TTLL9: variants seen among roughly 807,000 people sequenced by gnomAD.
TTLL9 encodes probable tubulin polyglutamylase TTLL9.
TTLL9 carries 47 observed loss-of-function variants against 65.6 expected under a neutral mutation model. That is an observed-to-expected ratio of 0.72 (90% CI 0.57 to 0.91). TTLL9 has a LOEUF of 0.91. Among genes scored for constraint, TTLL9 ranks in the 40% least tolerant of loss-of-function variants. The pLI is 0.00. For missense variants in TTLL9, 537 were observed against 568.8 expected, an observed-to-expected ratio of 0.94 and a Z score of 0.57; for synonymous variants, 179 against 204.8, an observed-to-expected ratio of 0.87 and a Z score of 1.07.
chr20:31,937,969 G>A (rs1568843904), intron 13 of TTLL9, among the ~76,000 whole-genome samples: 1 of 150,846 alleles, frequency 6.6e-6, no homozygotes, highest in Admixed American at 6.6e-5. Context: ...AAAACCCAGA[G>A]CTACTTTTAG....
At chr20:31,918,299 C>T (rs182201279) in intron 6 of TTLL9, among the ~76,000 whole-genome samples, 23 of 152,220 alleles carry the variant, frequency 1.5e-4, no homozygotes, top group Admixed American at 5.9e-4. Context: ...GACGAGATGA[C>T]GGTGCTCTTG....
chr20:31,895,810 C>CATGT (rs965348985), intron 3 of TTLL9, among the ~76,000 whole-genome samples: 11 of 138,608 alleles, frequency 7.9e-5, no homozygotes, highest in South Asian at 2.3e-4. Flanking sequence ...TAAGGTTATT[C>CATGT]ATGTATTTAT....
At chr20:31,935,071 C>G (rs1330778228) in intron 12 of TTLL9, among the ~76,000 whole-genome samples, 183 bp downstream of exon 12, 1 of 152,128 alleles carries the variant, frequency 6.6e-6, no homozygotes, top group Non-Finnish European at 1.5e-5. Flanking sequence ...ATCCATAGGT[C>G]ATTAGAGGAT....
rs1272730956 is a variant in TTLL9, at chr20:31,943,950, G to A, written c.*929G>A. The A allele has an allele frequency of 4.9e-6, 2 of 405,412 alleles. No individual in the cohort carries two copies. Among genetic ancestry groups the A allele is most frequent in the Non-Finnish European group, 9.9e-6 (2 of 201,526 alleles). 25.1% of individuals were successfully genotyped at this position (405,412 alleles called of 1,614,324 possible). On this transcript the variant is annotated 3_prime_UTR_variant, in exon 15 of 15. Coordinates refer to ENST00000535842, the MANE Select transcript of TTLL9 (RefSeq NM_001008409.5). ...GCTGTTGGGGTAACTGTTCCAGGGG[G>A]GACTTACTCCCTCTACCACTCCGCC...
At chr20:31,915,876 G>A (rs752539474) in intron 6 of TTLL9, among the ~76,000 whole-genome samples, 13 of 152,150 alleles carry the variant, frequency 8.5e-5, no homozygotes, top group East Asian at 1.9e-4. Flanking sequence ...ACTAAAGCTC[G>A]TATTCCGGTT....
At chr20:31,879,787 C>T in intron 2 of TTLL9, 1 of 1,542,510 alleles carries the variant, frequency 6.5e-7, no homozygotes, top group Non-Finnish European at 8.7e-7. Context: ...ATCAGAGCGG[C>T]GGATCCAGGC....
intron 2 of TTLL9, among the ~76,000 whole-genome samples, chr20:31,875,953 G>C (rs1320360726): frequency 6.6e-6 from 1 of 152,160 alleles, no homozygotes; most frequent in Non-Finnish European, 1.5e-5. Context: ...TTTTGAGTCT[G>C]TGTTTTTAAA....
chr20:31,904,658 T>C (rs1299096947), intron 4 of TTLL9, among the ~76,000 whole-genome samples: 1 of 152,114 alleles, frequency 6.6e-6, no homozygotes, highest in African/African-American at 2.4e-5. Flanking sequence ...GTGCCTGGCC[T>C]TTTTTAAGGA....
At chr20:31,890,100 C>CCCTCCCTTCCTTCCTT (rs2063276711) in intron 3 of TTLL9, among the ~76,000 whole-genome samples, 6 of 50,008 alleles carry the variant, frequency 1.2e-4, no homozygotes, top group African/African-American at 2.7e-4. Flanking sequence ...TTCTTTCCCT[C>CCCTCCCTTCCTTCCTT]CCTTCCTTCC....
At position 31,943,387 on chromosome 20, in the gene TTLL9, TCC is replaced by T; in HGVS notation, c.*367_*368del. On this transcript the variant is annotated 3_prime_UTR_variant, in exon 15 of 15. Coordinates refer to ENST00000535842, the MANE Select transcript of TTLL9 (RefSeq NM_001008409.5). ...GGAGTCACTGGGCACCAGGCCTGGTTCCGGGGATACTGTTGGCTGCAGCCAAG... is the reference window on the plus strand; with the variant it reads ...GGAGTCACTGGGCACCAGGCCTGGTTGGGGATACTGTTGGCTGCAGCCAAG... 1 of 341,532 alleles carries T rather than the reference TCC, an allele frequency of 2.9e-6. No homozygotes were observed. The highest frequency in any genetic ancestry group is 5.7e-6 in the Non-Finnish European group (1 of 176,512). 21.2% of individuals were successfully genotyped at this position (341,532 alleles called of 1,614,324 possible).
chr20:31,904,125 C>G (rs1328172078), intron 4 of TTLL9, among the ~76,000 whole-genome samples: 1 of 152,208 alleles, frequency 6.6e-6, no homozygotes, highest in Non-Finnish European at 1.5e-5. Context: ...ATGCTGTGCC[C>G]TTTTCAGTGG....
At chr20:31,873,690 GAAAGA>G (rs2062976097) in intron 2 of TTLL9, among the ~76,000 whole-genome samples, 1 of 51,668 alleles carries the variant, frequency 1.9e-5, no homozygotes, top group African/African-American at 9.4e-5. Flanking sequence ...GAGAGAGAAA[GAAAGA>G]AAGAAAGAAA....
intron 10 of TTLL9, among the ~76,000 whole-genome samples, chr20:31,933,411 C>G (rs1483210659): frequency 6.6e-6 from 1 of 150,420 alleles, no homozygotes; most frequent in Non-Finnish European, 1.5e-5. Context: ...AACCACTCCT[C>G]TTGAATTAAA....
intron 4 of TTLL9, among the ~76,000 whole-genome samples, chr20:31,904,041 G>T (rs1333368070): frequency 3.3e-5 from 5 of 152,146 alleles, no homozygotes; most frequent in Middle Eastern, 3.2e-3. Flanking sequence ...TTTGTAGAAT[G>T]TCCCTTGAAT....
intron 4 of TTLL9, among the ~76,000 whole-genome samples, chr20:31,901,038 C>T (rs1289674693): frequency 6.6e-6 from 1 of 152,210 alleles, no homozygotes; most frequent in Non-Finnish European, 1.5e-5. Flanking sequence ...TCCAAGGCCT[C>T]ATCCTTTAGG....
chr20:31,894,384 C>G (rs1054393258), intron 3 of TTLL9, among the ~76,000 whole-genome samples: 1 of 152,016 alleles, frequency 6.6e-6, no homozygotes, highest in African/African-American at 2.4e-5. Context: ...AGGTATGAGC[C>G]ACTTGGCCAT....
chr20:31,886,277 G>A (rs544377704), intron 2 of TTLL9, among the ~76,000 whole-genome samples: 7 of 152,236 alleles, frequency 4.6e-5, no homozygotes, highest in Non-Finnish European at 8.8e-5. Flanking sequence ...TGGCAGGTCT[G>A]TCCCAGCTGC....
intron 4 of TTLL9, among the ~76,000 whole-genome samples, chr20:31,904,346 A>C (rs2063519272): frequency 6.9e-6 from 1 of 145,758 alleles, no homozygotes; most frequent in Non-Finnish European, 1.5e-5. Context: ...ATTTTTTGAT[A>C]ATTCTTTTTT....
chr20:31,910,798 T>C (rs1027551342), intron 6 of TTLL9, among the ~76,000 whole-genome samples: 8 of 152,068 alleles, frequency 5.3e-5, no homozygotes, highest in Admixed American at 1.3e-4. Flanking sequence ...TGGAAAAAAG[T>C]AGAGATAGGG....
Sources: allele counts gnomAD v4.1 joint callset (sites outside exome capture counted in the v4.1 genomes callset), GRCh38; gene constraint gnomAD v4.1.1; transcripts MANE v1.5; gene names NCBI Gene and HGNC (gene_info 2026-07-23, HGNC 2026-07-21).